MDGA2: variants seen among roughly 807,000 people sequenced by gnomAD.
The protein encoded by MDGA2 is MAM domain-containing glycosylphosphatidylinositol anchor protein 2.
A neutral mutation model predicts 117.8 loss-of-function variants in MDGA2; 40 were observed. That is an observed-to-expected ratio of 0.34 (90% CI 0.26 to 0.44). MDGA2 has a LOEUF of 0.44. Among genes scored for constraint, MDGA2 ranks in the 20% least tolerant of loss-of-function variants. The pLI is 1.00. For missense variants in MDGA2, 1,123 were observed against 1,250.6 expected (o/e 0.90, Z 1.54); for synonymous variants, 452 against 439.0 (o/e 1.03, Z -0.37).
chr14:47,652,755 G>T (rs1897668416), intron 1 of MDGA2, among the ~76,000 whole-genome samples: 1 of 152,008 alleles, frequency 6.6e-6, no homozygotes, highest in Non-Finnish European at 1.5e-5. Flanking sequence ...TTTCAGTGCT[G>T]CTCCCCTCCC....
At chr14:47,276,233 A>C (rs770795852) in intron 2 of MDGA2, among the ~76,000 whole-genome samples, 2 of 152,158 alleles carry the variant, frequency 1.3e-5, no homozygotes, top group African/African-American at 2.4e-5. Context: ...TATAAGTTCT[A>C]ATCCAGTCTA....
chr14:47,301,797 A>C (rs1889294290), intron 1 of MDGA2, among the ~76,000 whole-genome samples: 1 of 152,216 alleles, frequency 6.6e-6, no homozygotes, highest in Non-Finnish European at 1.5e-5. Context: ...GGAAATCACC[A>C]TCAATACAAG....
At chr14:47,452,186 A>C (rs7159376) in intron 1 of MDGA2, among the ~76,000 whole-genome samples, 48,589 of 151,812 alleles carry the variant, frequency 0.32, 8,270 homozygotes, top group East Asian at 0.58. Flanking sequence ...GCCCTCCCCC[A>C]CCACACAAAC....
chr14:47,100,352 A>G (rs559731673), intron 5 of MDGA2, among the ~76,000 whole-genome samples: 19 of 152,136 alleles, frequency 1.2e-4, no homozygotes, highest in African/African-American at 4.3e-4. Context: ...CTGCACTTAT[A>G]TGGGTATATA....
chr14:47,407,788 T>C (rs970926751), intron 1 of MDGA2, among the ~76,000 whole-genome samples: 3 of 152,172 alleles, frequency 2.0e-5, no homozygotes, highest in Non-Finnish European at 4.4e-5. Flanking sequence ...TAATACTGTA[T>C]ATTGAGCAGC....
At position 46,845,973 on chromosome 14, in the gene MDGA2, G is replaced by A. The variant is rs190127330; in HGVS notation, c.2884-102C>T. On this transcript the variant is annotated intron_variant, in intron 15 of 16. Coordinates refer to ENST00000399232, the MANE Select transcript of MDGA2 (RefSeq NM_001113498.3). ...CAAAAATAAACTTGTCAGTAATCCT[G>A]GCATCTTTTATATTTGATGGCTTTC... 1.3e-4 allele frequency: 104 copies of A among 795,362 alleles called. No individual in the cohort carries two copies. The African/African-American group carries it at 1.6e-3, about 12-fold the overall frequency. The allele number at this position is 795,362 out of a possible 1,614,324, so 49.3% of individuals were successfully genotyped here.
At chr14:47,024,723 A>T (rs1888412931) in intron 8 of MDGA2, among the ~76,000 whole-genome samples, 1 of 152,208 alleles carries the variant, frequency 6.6e-6, no homozygotes, top group African/African-American at 2.4e-5. Flanking sequence ...AGTTTGAATT[A>T]AGAAGAAAGA....
At chr14:47,311,197 C>T (rs1334001187) in intron 1 of MDGA2, among the ~76,000 whole-genome samples, 1 of 152,084 alleles carries the variant, frequency 6.6e-6, no homozygotes, top group Non-Finnish European at 1.5e-5. Flanking sequence ...ATCCACAAAG[C>T]CCCAGCAAAT....
intron 1 of MDGA2, among the ~76,000 whole-genome samples, chr14:47,652,778 C>T (rs1414286669): frequency 6.6e-6 from 1 of 151,984 alleles, no homozygotes; most frequent in African/African-American, 2.4e-5. Flanking sequence ...CAGGCACACA[C>T]AAATATTTAT....
chr14:46,951,711 C>T (rs9323122), intron 9 of MDGA2, among the ~76,000 whole-genome samples: 151,970 of 151,990 alleles, frequency 1, 75,975 homozygotes, highest in Middle Eastern at 1. Context: ...TTGGAAGGGA[C>T]TTTTCCCCAG....
At chr14:47,371,145 A>G (rs971856853) in intron 1 of MDGA2, among the ~76,000 whole-genome samples, 12 of 151,856 alleles carry the variant, frequency 7.9e-5, no homozygotes, top group African/African-American at 2.9e-4. Flanking sequence ...AAACTTTAAA[A>G]CTGCAAGCCA....
chr14:46,990,892 ACACACACAC>A (rs1170810126), intron 8 of MDGA2, among the ~76,000 whole-genome samples: 1 of 146,472 alleles, frequency 6.8e-6, no homozygotes, highest in African/African-American at 2.6e-5. Flanking sequence ...ACACACACAC[ACACACACAC>A]CCCGCGTAAG....
chr14:47,593,363 C>G (rs1356351204), intron 1 of MDGA2, among the ~76,000 whole-genome samples: 1 of 152,230 alleles, frequency 6.6e-6, no homozygotes, highest in Admixed American at 6.5e-5. Flanking sequence ...CCATTTGACC[C>G]ATCAATCCCA....
intron 10 of MDGA2, among the ~76,000 whole-genome samples, chr14:46,896,620 G>C (rs1460071730): frequency 6.6e-6 from 1 of 151,788 alleles, no homozygotes; most frequent in Non-Finnish European, 1.5e-5. Context: ...ATGAGCATGA[G>C]GATGTTATCT....
chr14:47,128,574 T>C (rs1436058270), intron 5 of MDGA2, among the ~76,000 whole-genome samples: 1 of 152,178 alleles, frequency 6.6e-6, no homozygotes, highest in Non-Finnish European at 1.5e-5. Context: ...TATGTTAACC[T>C]GTTTATTCTT....
At chr14:47,212,046 C>A (rs987384983) in intron 3 of MDGA2, among the ~76,000 whole-genome samples, 2 of 151,912 alleles carry the variant, frequency 1.3e-5, no homozygotes, top group Admixed American at 6.6e-5. Context: ...CAATGAATGA[C>A]GTAAAAGTCA....
intron 2 of MDGA2, among the ~76,000 whole-genome samples, chr14:47,299,067 AT>A (rs1311718396): frequency 6.6e-6 from 1 of 152,220 alleles, no homozygotes; most frequent in African/African-American, 2.4e-5. Flanking sequence ...GAATAAAAAA[AT>A]ATTGATACCA....
At chr14:47,050,145 T>G (rs1263356605) in intron 7 of MDGA2, among the ~76,000 whole-genome samples, 1 of 152,050 alleles carries the variant, frequency 6.6e-6, no homozygotes, top group Admixed American at 6.6e-5. Context: ...GTGTGTTCTG[T>G]GTAAAGAACC....
chr14:47,402,952 A>G (rs1048782342), intron 1 of MDGA2, among the ~76,000 whole-genome samples: 4 of 152,126 alleles, frequency 2.6e-5, no homozygotes, highest in Admixed American at 6.6e-5. Flanking sequence ...GGCATTTGGC[A>G]CCATCACTTA....
Sources: gnomAD v4.1 joint callset for allele counts (sites outside exome capture counted in the v4.1 genomes callset) on GRCh38, gnomAD v4.1.1 for gene constraint, MANE v1.5 for transcripts, NCBI Gene and HGNC (gene_info 2026-07-23, HGNC 2026-07-21) for gene names.